Variants in TMEM9 observed in about 807,000 individuals in gnomAD.
TMEM9 encodes the protein transmembrane protein 9, also known as proton-transporting V-type ATPase complex assembly regulator TMEM9.
A neutral mutation model predicts 22.8 loss-of-function variants in TMEM9; 13 were observed. That is an observed-to-expected ratio of 0.57 (90% confidence interval 0.37 to 0.91). TMEM9 has a LOEUF of 0.91. Among genes scored for constraint, TMEM9 ranks in the 40% least tolerant of loss-of-function variants. The probability of loss-of-function intolerance (pLI) is 0.01; values close to 1 mark genes in which losing one functional copy is unlikely to be tolerated. For missense variants in TMEM9, 182 were observed against 238.1 expected, an observed-to-expected ratio of 0.76 and a Z score of 1.55; for synonymous variants, 88 against 93.0, an observed-to-expected ratio of 0.95 and a Z score of 0.31.
intron 1 of TMEM9, among the ~76,000 whole-genome samples, chr1:201,166,107 A>G (rs954595191): frequency 1.1e-4 from 16 of 152,154 alleles, no homozygotes; most frequent in Admixed American, 2.0e-4. Flanking sequence ...GCACCATCCT[A>G]TAAAATCCCC....
Position 201,143,861 on chromosome 1 carries a change from C to A in TMEM9, c.358G>T (p.Asp120Tyr), listed in dbSNP as rs765274853. The change falls in exon 4 of 5, where the codon GAT becomes TAT. Residue 120 changes from aspartate to tyrosine, a missense_variant. By Grantham distance (160) the Asp-to-Tyr change is radical. Transcript: ENST00000367330. ...TTGTGCAGTTGCTCAGTATATGCAT[C>A]CGGCTTTCGGATCAGAGGGTCCACC... ...MLVDPLIRKPDAYTEQLHNEE... is the reference protein window; with the variant it reads ...MLVDPLIRKPYAYTEQLHNEE... 1 of 1,614,100 alleles carries A rather than the reference C, an allele frequency of 6.2e-7. No homozygotes were observed. Among genetic ancestry groups the A allele is most frequent in the East Asian group, 2.2e-5 (1 of 44,862 alleles).
intron 1 of TMEM9, among the ~76,000 whole-genome samples, chr1:201,166,108 T>C (rs1490504886): frequency 6.6e-6 from 1 of 152,172 alleles, no homozygotes; most frequent in Non-Finnish European, 1.5e-5. Context: ...CACCATCCTA[T>C]AAAATCCCCG....
chr1:201,168,111 G>A (rs1666120463), intron 1 of TMEM9, among the ~76,000 whole-genome samples: 1 of 152,122 alleles, frequency 6.6e-6, no homozygotes, highest in African/African-American at 2.4e-5. Flanking sequence ...CATTTGCATT[G>A]CTAAATAATA....
upstream of TMEM9, among the ~76,000 whole-genome samples, chr1:201,155,839 A>C (rs1665775945): frequency 6.6e-6 from 1 of 152,184 alleles, no homozygotes; most frequent in Non-Finnish European, 1.5e-5. Context: ...GGTTGTAGGG[A>C]TATAATGAGT....
intron 3 of TMEM9, among the ~76,000 whole-genome samples, chr1:201,146,208 A>C (rs1468323331): frequency 6.6e-6 from 1 of 152,184 alleles, no homozygotes; most frequent in Non-Finnish European, 1.5e-5. Context: ...TCCTGAATTC[A>C]CCCAAATGAT....
intron 1 of TMEM9, among the ~76,000 whole-genome samples, chr1:201,163,479 A>C (rs904364680): frequency 8.6e-5 from 13 of 152,046 alleles, no homozygotes; most frequent in African/African-American, 2.4e-4. Flanking sequence ...AGTCCCAGCT[A>C]CTTGAGAGGC....
chr1:201,144,199 C>A lies in TMEM9; in HGVS notation c.268-248G>T, dbSNP rs115660347. The A allele has an allele frequency of 1.7e-3, 680 of 408,460 alleles. 3 individuals are homozygous for A. Among genetic ancestry groups the A allele is most frequent in the African/African-American group, 0.012 (590 of 50,170 alleles). The allele number at this position is 408,460 out of a possible 1,614,324, so 25.3% of individuals were successfully genotyped here. A position where few individuals can be genotyped will look rare whatever the true frequency, so the allele number is the denominator to read the frequency against. The stretch of plus-strand genomic sequence containing the variant: ...GCACAGCAGGCATCACGACAGCAGG[C>A]AGATGACAGAGGAAGAAGTCTGGAG... On this transcript the variant is annotated intron_variant, in intron 3 of 4. Transcript: ENST00000367330.
intron 1 of TMEM9, among the ~76,000 whole-genome samples, chr1:201,170,673 A>T (rs1375657217): frequency 6.6e-6 from 1 of 152,140 alleles, no homozygotes; most frequent in African/African-American, 2.4e-5. Context: ...TCAGTGCAAA[A>T]AATGGAAAGG....
chr1:201,158,690 G>A (rs1323615785), upstream of TMEM9, among the ~76,000 whole-genome samples: 1 of 152,150 alleles, frequency 6.6e-6, no homozygotes, highest in Non-Finnish European at 1.5e-5. Flanking sequence ...CTCCCCAGCA[G>A]AGGAGGCCTA....
intron 4 of TMEM9, among the ~76,000 whole-genome samples, chr1:201,140,450 C>A (rs540688653): frequency 6.6e-6 from 1 of 152,350 alleles, no homozygotes; most frequent in South Asian, 2.1e-4. Flanking sequence ...CCAGGGGAGG[C>A]AGCGCCCAGC....
At position 201,165,150 on chromosome 1, in the gene TMEM9, T is replaced by TTTTATATA. The variant is rs1203599097; in HGVS notation, c.-37+6339_-37+6340insTATATAAA. 1.6e-4 allele frequency among the ~76,000 whole-genome samples: 14 copies of TTTTATATA among 87,092 alleles called. No homozygotes were observed. The East Asian group carries it at 3.9e-3, about 24-fold the overall frequency. 57.1% of individuals were successfully genotyped at this position (87,092 alleles called of 152,430 possible). A position where few individuals can be genotyped will look rare whatever the true frequency, so the allele number is the denominator to read the frequency against. On this transcript the variant is annotated intron_variant, in intron 1 of 5. Transcript: ENST00000367333. ...CATTTTATCACTTTTTAAGAGAAAATTATATATATATATATATATATATAT... is the reference window on the plus strand; with the variant it reads ...CATTTTATCACTTTTTAAGAGAAAATTTTATATATATATATATATATATATATATATAT...
rs539943462 is a variant in TMEM9 at position 201,160,979 on chromosome 1, AT to A, written c.-36-7021del. 1.2e-3 allele frequency among the ~76,000 whole-genome samples: 175 copies of A among 152,102 alleles called. 1 individual carries two copies. Among genetic ancestry groups the A allele is most frequent in the African/African-American group, 4.1e-3 (169 of 41,510 alleles). On this transcript the variant is annotated intron_variant, in intron 1 of 5. Coordinates refer to the TMEM9 transcript ENST00000367333. Reference sequence around the variant, plus strand: ...TTGAGGACCCTAAAGAATTTTGTTTATCTGGGTCCTATCAATATTTGCAGTA... The same window carrying A: ...TTGAGGACCCTAAAGAATTTTGTTTACTGGGTCCTATCAATATTTGCAGTA...
chr1:201,167,728 A>G (rs1666113602), intron 1 of TMEM9, among the ~76,000 whole-genome samples: 3 of 152,226 alleles, frequency 2.0e-5, no homozygotes, highest in African/African-American at 7.2e-5. Context: ...AGTTTGGCCT[A>G]AGCCTAGGAA....
chr1:201,137,014 T>C (rs1664054406), intron 4 of TMEM9, among the ~76,000 whole-genome samples: 1 of 152,222 alleles, frequency 6.6e-6, no homozygotes, highest in African/African-American at 2.4e-5. Flanking sequence ...AGAGGGTTCA[T>C]CATCATCCTC....
At position 201,135,741 on chromosome 1, in the gene TMEM9, T is replaced by C. The variant is rs756269185; in HGVS notation, c.474A>G (p.Glu158=). The change falls in exon 5 of 5, where the codon GAA becomes GAG. Residue 158 remains glutamate, a synonymous_variant. Transcript: ENST00000367330. ...GCAGCTTCCACCGCTGCTGGGCACC[T>C]TCCACACGCTCCAGGACTGTGTTTG... ...PRANTVLERV[E]GAQQRWKLQV... 3 of 1,613,834 alleles carry C rather than the reference T, an allele frequency of 1.9e-6. No individual in the cohort carries two copies. Among genetic ancestry groups the C allele is most frequent in the Non-Finnish European group, 2.5e-6 (3 of 1,179,938 alleles).
At chr1:201,139,658 G>A (rs934751485) in intron 4 of TMEM9, among the ~76,000 whole-genome samples, 1 of 152,012 alleles carries the variant, frequency 6.6e-6, no homozygotes, top group African/African-American at 2.4e-5. Flanking sequence ...TCAGGCCCTT[G>A]TGCACGCTGC....
intron 4 of TMEM9, among the ~76,000 whole-genome samples, chr1:201,142,457 GCCT>G (rs1365962247): frequency 2.0e-5 from 3 of 152,158 alleles, no homozygotes; most frequent in Non-Finnish European, 2.9e-5. Context: ...AAGACTCCCA[GCCT>G]CCTCCTCATA....
intron 2 of TMEM9, among the ~76,000 whole-genome samples, chr1:201,149,516 C>T (rs765909825): frequency 8.5e-5 from 13 of 152,184 alleles, no homozygotes; most frequent in Non-Finnish European, 1.9e-4. Context: ...CATCTCCTTG[C>T]CGGACCCACC....
At chr1:201,153,627 T>C (rs2102281397) in intron 1 of TMEM9, among the ~76,000 whole-genome samples, 1 of 152,360 alleles carries the variant, frequency 6.6e-6, no homozygotes, top group African/African-American at 2.4e-5. Context: ...CTGATCTGTC[T>C]GATCAGAGTG....
Sources: allele counts gnomAD v4.1 joint callset (sites outside exome capture counted in the v4.1 genomes callset), GRCh38; gene constraint gnomAD v4.1.1; transcripts MANE v1.5; gene names NCBI Gene and HGNC (gene_info 2026-07-23, HGNC 2026-07-21).